EML3: variants seen among roughly 807,000 people sequenced by gnomAD.
The protein encoded by EML3 is echinoderm microtubule-associated protein-like 3.
In EML3, 53 loss-of-function variants were observed where a neutral mutation model predicts 106.7. The observed-to-expected ratio is 0.50, with a 90% confidence interval of 0.40 to 0.62. The LOEUF (loss-of-function observed/expected upper bound fraction) is 0.62, where lower values mean the gene tolerates loss of function less well. EML3 is among the 20% of genes least tolerant of loss of function. EML3 has a pLI of 0.00. For missense variants in EML3, 994 were observed against 1,209.1 expected (o/e 0.82, Z 2.64); for synonymous variants, 499 against 489.6 (o/e 1.02, Z -0.25).
In EML3 at chr11:62,609,709, G is replaced by C. The variant is rs2134394907; in HGVS notation, c.567-13C>G. The C allele has an allele frequency of 1.3e-6, 2 of 1,590,436 alleles. No individual in the cohort carries two copies. Among genetic ancestry groups the C allele is most frequent in the Non-Finnish European group, 1.7e-6 (2 of 1,169,852 alleles). On this transcript the variant is annotated splice_polypyrimidine_tract_variant and intron_variant, in intron 4 of 21. Coordinates refer to ENST00000394773, the MANE Select transcript of EML3 (RefSeq NM_153265.3). Reference sequence around the variant, plus strand: ...TTTTCCCCCACGGCTGTTGGGAAGAGAGAAAGCACAGGGATTGGGGTCAGG... The same window carrying C: ...TTTTCCCCCACGGCTGTTGGGAAGACAGAAAGCACAGGGATTGGGGTCAGG...
Position 62,602,279 on chromosome 11 carries a change from GCTGCCCGGCTC to G in EML3, c.*185_*195del. 3.2e-6 allele frequency: 5 copies of G among 1,550,398 alleles called. No homozygotes were observed. Among genetic ancestry groups the G allele is most frequent in the Non-Finnish European group, 4.4e-6 (5 of 1,146,724 alleles). On this transcript the variant is annotated 3_prime_UTR_variant, in exon 22 of 22. Transcript: ENST00000394773. ...AGCGGGAGTCAAGGCCTAGGCTGGGGCTGCCCGGCTCAGCCAGCGGGTCTAAACAGTGTGTG... is the reference window on the plus strand; with the variant it reads ...AGCGGGAGTCAAGGCCTAGGCTGGGGAGCCAGCGGGTCTAAACAGTGTGTG...
At position 62,605,989 on chromosome 11, in the gene EML3, T is replaced by A; in HGVS notation, c.1657-9A>T. ...CCGAAGTGCTCGGGAATCTGCAGAG[T>A]GGTAGCAGAATGTCAAGAGCCCACT... On this transcript the variant is annotated splice_polypyrimidine_tract_variant and intron_variant, in intron 13 of 21. Transcript: ENST00000394773. The surrounding 1 kb of genome is among the most constrained non-coding windows in gnomAD (Gnocchi z 5.2). 1 of 1,613,524 alleles carries A rather than the reference T, an allele frequency of 6.2e-7. No individual in the cohort carries two copies. Among genetic ancestry groups the A allele is most frequent in the African/African-American group, 1.3e-5 (1 of 74,874 alleles).
intron 12 of EML3, 166 bp from the exon 13 acceptor site, chr11:62,606,380 A>G: frequency 1.2e-6 from 1 of 835,916 alleles, no homozygotes; most frequent in Non-Finnish European, 1.8e-6. Flanking sequence ...CCCATTTTAC[A>G]AACAGGACAA....
chr11:62,609,304 G>A, intron 6 of EML3, 50 bp downstream of exon 6: 1 of 1,538,300 alleles, frequency 6.5e-7, no homozygotes, highest in Non-Finnish European at 8.7e-7. Context: ...GGTAAGAGGG[G>A]TCCCAAGGTG....
chr11:62,606,544 T>A, intron 12 of EML3: 1 of 377,606 alleles, frequency 2.6e-6, no homozygotes, highest in Non-Finnish European at 4.8e-6. Flanking sequence ...AAGAGAACTA[T>A]CAACTCTCAA....
chr11:62,611,002 G>A lies in EML3; in HGVS notation c.453-10C>T. ...AGAATTTCTTCGCGGCCTGGTGGGG[G>A]CATAGTGAAGGTCATTCCCTCCAAC... On this transcript the variant is annotated splice_polypyrimidine_tract_variant and intron_variant, in intron 3 of 21. Transcript: ENST00000394773. 1 of 1,611,740 alleles carries A rather than the reference G, an allele frequency of 6.2e-7. No individual in the cohort carries two copies. Among genetic ancestry groups the A allele is most frequent in the Non-Finnish European group, 8.5e-7 (1 of 1,179,370 alleles).
At chr11:62,610,789 C>T (rs1942769173) in intron 4 of EML3, 90 bp downstream of exon 4, 1 of 1,183,826 alleles carries the variant, frequency 8.4e-7, no homozygotes, top group Non-Finnish European at 1.2e-6. Flanking sequence ...ATCAGGTCCC[C>T]CCACCCCAAC....
At position 62,611,427 on chromosome 11, in the gene EML3, G is replaced by C; in HGVS notation, c.192C>G (p.Asp64Glu). ...QGSGTPAPPG[D>E]SLAAPPGLPP... ...ATGGGGTGTGATGACATGCATACCT[G>C]TCCCCCGGAGGAGCTGGTGTGCCAG... is the stretch of plus-strand genomic sequence containing the variant. Residue 64 changes from aspartate (D) to glutamate (E), a missense_variant and splice_region_variant, in exon 2 of 22, where the codon GAC becomes GAG. Physicochemically the swap from Asp to Glu is conservative, Grantham distance 45. This residue lies in a region of EML3 where 269 missense variants were observed against 265.1 expected (regional missense o/e 1.01). Coordinates refer to ENST00000394773, the MANE Select transcript of EML3 (RefSeq NM_153265.3). 6.2e-7 allele frequency: 1 copy of C among 1,613,748 alleles called. No homozygotes were observed.
intron 4 of EML3, 126 bp downstream of exon 4, chr11:62,610,753 G>A: frequency 1.2e-6 from 1 of 820,298 alleles, no homozygotes; most frequent in Non-Finnish European, 1.9e-6. Context: ...CCCCAGAAGT[G>A]TTTGTTTCTT....
chr11:62,605,335 G>T lies in EML3; in HGVS notation c.1915-155C>A. On this transcript the variant is annotated intron_variant, in intron 15 of 21. Coordinates refer to ENST00000394773, the MANE Select transcript of EML3 (RefSeq NM_153265.3). The surrounding 1 kb of genome is among the most constrained non-coding windows in gnomAD (Gnocchi z 5.2). ...CCGGGTATCACTGGAGCCTGAACAGGGAGTGATACCAAAATATTTAACCAC... is the reference window on the plus strand; with the variant it reads ...CCGGGTATCACTGGAGCCTGAACAGTGAGTGATACCAAAATATTTAACCAC... 2 of 729,308 alleles carry T rather than the reference G, an allele frequency of 2.7e-6. No homozygotes were observed. The highest frequency in any genetic ancestry group is 4.3e-6 in the Non-Finnish European group (2 of 460,398). The allele number at this position is 729,308 out of a possible 1,614,324, so 45.2% of individuals were successfully genotyped here. A position where few individuals can be genotyped will look rare whatever the true frequency, so the allele number is the denominator to read the frequency against.
chr11:62,603,024 G>GGAGGGT, intron 20 of EML3, 125 bp downstream of exon 20: 1 of 991,330 alleles, frequency 1.0e-6, no homozygotes, highest in Non-Finnish European at 1.5e-6. Flanking sequence ...GTCCCGAGGG[G>GGAGGGT]CCTCCTGGGC....
At position 62,605,872 on chromosome 11, in the gene EML3, A is replaced by G. The variant is rs1471478367; in HGVS notation, c.1765T>C (p.Phe589Leu). 1.2e-6 allele frequency: 2 copies of G among 1,614,172 alleles called. No individual in the cohort carries two copies. The highest frequency in any genetic ancestry group is 1.6e-4 in the Middle Eastern group (1 of 6,062). ...ALLRGDLAQG[F>L]SPVIQGHTDE... ...CCCCCAACCTGGATTACAGGGGAGA[A>G]GCCCTGGGCCAGGTCTCCCCTCAGC... The change falls in exon 14 of 22, where the codon TTC (phenylalanine) becomes CTC (leucine). Residue 589 changes from phenylalanine to leucine, a missense_variant. Around this residue, in one of 3 missense-constraint regions of EML3, gnomAD observed 713 missense variants for 920.5 expected, o/e 0.77. Coordinates refer to ENST00000394773, the MANE Select transcript of EML3 (RefSeq NM_153265.3). This position sits in a 1 kb window ranked among gnomAD's most constrained non-coding sequence, Gnocchi z 5.2.
Position 62,612,470 on chromosome 11 carries a change from T to A in EML3, c.-13A>T, listed in dbSNP as rs1346675288. ...CGGCCCCGTCCATCCGGCCCCCGGG[T>A]TGCTCCGAGCGGCGGCGGCGGAGGA... On this transcript the variant is annotated 5_prime_UTR_variant, in exon 1 of 22. Transcript: ENST00000394773. 7.0e-7 allele frequency: 1 copy of A among 1,431,580 alleles called. No individual in the cohort carries two copies. The highest frequency in any genetic ancestry group is 1.4e-5 in the South Asian group (1 of 71,136). 88.7% of individuals were successfully genotyped at this position (1,431,580 alleles called of 1,614,324 possible). A position where few individuals can be genotyped will look rare whatever the true frequency, so the allele number is the denominator to read the frequency against.
At chr11:62,610,541 G>C (rs1011271873) in intron 4 of EML3, among the ~76,000 whole-genome samples, 1 of 152,174 alleles carries the variant, frequency 6.6e-6, no homozygotes, top group Admixed American at 6.5e-5. Context: ...GGAAAGGGTA[G>C]GGGAACTGGA....
chr11:62,606,545 C>T (rs1942529409), intron 12 of EML3: 1 of 380,038 alleles, frequency 2.6e-6, no homozygotes, highest in Non-Finnish European at 4.8e-6. Flanking sequence ...AGAGAACTAT[C>T]AACTCTCAAG....
rs948579812 is a variant in EML3, at chr11:62,605,928, T to C, written c.1709A>G (p.Glu570Gly). Residue 570 changes from glutamate to glycine, a missense_variant, in exon 14 of 22, where the codon GAG becomes GGG. Physicochemically the swap from Glu to Gly is moderately conservative, Grantham distance 98. Coordinates refer to ENST00000394773, the MANE Select transcript of EML3 (RefSeq NM_153265.3). This position sits in a 1 kb window ranked among gnomAD's most constrained non-coding sequence, Gnocchi z 5.2. ...ATTCTTCGTGGTTCCCACCAGCAGC[T>C]CAGAGCCAAGCCCTTCAGCAATGGC... ...VRAIAEGLGS[E>G]LLVGTTKNAL... is the part of the protein sequence containing the mutation. 2.5e-5 allele frequency: 40 copies of C among 1,614,100 alleles called. No individual in the cohort carries two copies. The East Asian group carries it at 8.9e-4, about 36-fold the overall frequency.
intron 4 of EML3, 36 bp downstream of exon 4, chr11:62,610,843 C>T: frequency 6.6e-7 from 1 of 1,524,608 alleles, no homozygotes; most frequent in Non-Finnish European, 8.8e-7. Flanking sequence ...GAGCCTGCGC[C>T]TGGGGCGGGG....
rs1261909461 is a variant in EML3 at position 62,602,512 on chromosome 11, G to T, written c.2654C>A (p.Thr885Asn). ...AGPAPATPSR[T>N]PSLSPASSLD... ...GGAGGAGGCGGGGGACAGGGAGGGG[G>T]TTCGAGAGGGCGTGGCGGGCGCCGG... Residue 885 changes from threonine to asparagine, a missense_variant, in exon 22 of 22, where the codon ACC becomes AAC. Around this residue, in one of 3 missense-constraint regions of EML3, gnomAD observed 713 missense variants for 920.5 expected, o/e 0.77. Transcript: ENST00000394773. 3 of 1,515,806 alleles carry T rather than the reference G, an allele frequency of 2.0e-6. No individual in the cohort carries two copies. Among genetic ancestry groups the T allele is most frequent in the Non-Finnish European group, 2.7e-6 (3 of 1,130,626 alleles). 93.9% of individuals were successfully genotyped at this position (1,515,806 alleles called of 1,614,324 possible).
rs951807450 is a variant in EML3 at position 62,612,489 on chromosome 11, C to A, written c.-32G>T. ...CCCGGGTTGCTCCGAGCGGCGGCGG[C>A]GGAGGAGGCGTCTAAGCCGCGGGGG... is the stretch of plus-strand genomic sequence containing the variant. On this transcript the variant is annotated 5_prime_UTR_variant, in exon 1 of 22. Transcript: ENST00000394773. 1.4e-6 allele frequency: 2 copies of A among 1,397,240 alleles called. No homozygotes were observed. The highest frequency in any genetic ancestry group is 1.6e-5 in the South Asian group (1 of 64,318). The allele number at this position is 1,397,240 out of a possible 1,614,324, so 86.6% of individuals were successfully genotyped here.
Sources: gnomAD v4.1 joint callset for allele counts (sites outside exome capture counted in the v4.1 genomes callset) on GRCh38, gnomAD v4.1.1 for gene constraint, gnomAD v4.1.1 regional missense constraint, Gnocchi (gnomAD v3.1) non-coding constraint, MANE v1.5 for transcripts, NCBI Gene and HGNC (gene_info 2026-07-23, HGNC 2026-07-21) for gene names.